Variants in IMMT observed in about 807,000 individuals in gnomAD.
IMMT encodes the protein inner membrane mitochondrial protein.
A neutral mutation model predicts 92.7 loss-of-function variants in IMMT; 40 were observed. The ratio of observed to expected loss-of-function variants is 0.43; its 90% CI spans 0.34 to 0.56. The LOEUF (loss-of-function observed/expected upper bound fraction) is 0.56, where lower values mean the gene tolerates loss of function less well. Ranked by LOEUF, IMMT falls within the 20% of genes least tolerant of loss-of-function variation. The pLI is 0.03. For missense variants in IMMT, 831 were observed against 912.1 expected (o/e 0.91, Z 1.14); for synonymous variants, 322 against 336.1 (o/e 0.96, Z 0.46).
At chr2:86,164,005 T>C (rs1343439462) in intron 7 of IMMT, among the ~76,000 whole-genome samples, 2 of 149,360 alleles carry the variant, frequency 1.3e-5, no homozygotes, top group Non-Finnish European at 3.0e-5. Context: ...GTATATCTTA[T>C]GATGCGAAAA....
At chr2:86,166,789 A>G in intron 6 of IMMT, 145 bp from the exon 7 acceptor site, 1 of 801,554 alleles carries the variant, frequency 1.2e-6, no homozygotes, top group Non-Finnish European at 1.9e-6. Context: ...AATTTAGGGA[A>G]TCAAAGTTTC....
intron 7 of IMMT, among the ~76,000 whole-genome samples, chr2:86,162,347 T>TG (rs1449001789): frequency 6.6e-6 from 1 of 151,284 alleles, no homozygotes; most frequent in African/African-American, 2.4e-5. Flanking sequence ...AGTTGTTTTT[T>TG]TTTTTTTTTA....
At chr2:86,148,190 C>T (rs1409912524) in intron 12 of IMMT, among the ~76,000 whole-genome samples, 3 of 152,218 alleles carry the variant, frequency 2.0e-5, no homozygotes, top group Admixed American at 1.3e-4. Flanking sequence ...AAAAAAGTAA[C>T]TATATACTTG....
chr2:86,171,422 T>C, intron 4 of IMMT, 77 bp from the exon 5 acceptor site: 1 of 1,338,946 alleles, frequency 7.5e-7, no homozygotes, highest in Non-Finnish European at 1.1e-6. Flanking sequence ...ACTACCACCA[T>C]CACCACCCAC....
At chr2:86,185,669 T>A (rs1672724061) in intron 1 of IMMT, among the ~76,000 whole-genome samples, 1 of 152,130 alleles carries the variant, frequency 6.6e-6, no homozygotes, top group Admixed American at 6.6e-5. Context: ...CCATTAAGAT[T>A]CACAGGAAAC....
At chr2:86,195,257 G>A (rs1406491337) in intron 1 of IMMT, 81 bp downstream of exon 1, 13 of 1,398,600 alleles carry the variant, frequency 9.3e-6, no homozygotes, top group South Asian at 8.5e-5. Flanking sequence ...TGGAGGCTAG[G>A]CAGCGACCAA....
chr2:86,186,061 A>G (rs1030902690), intron 1 of IMMT, among the ~76,000 whole-genome samples: 1 of 152,160 alleles, frequency 6.6e-6, no homozygotes, highest in African/African-American at 2.4e-5. Flanking sequence ...TCATACCACC[A>G]TATGCTGAAT....
intron 14 of IMMT, 117 bp downstream of exon 14, chr2:86,145,951 G>C (rs558404369): frequency 1.4e-6 from 1 of 730,276 alleles, no homozygotes; most frequent in African/African-American, 1.8e-5. Context: ...ATTAAGTAGA[G>C]TGATTAGTAT....
At chr2:86,177,887 A>T (rs1490318622) in intron 3 of IMMT, among the ~76,000 whole-genome samples, 1 of 152,146 alleles carries the variant, frequency 6.6e-6, no homozygotes, top group African/African-American at 2.4e-5. Context: ...AACCATGGTT[A>T]CCTCTACCCA....
At chr2:86,158,752 T>C (rs753787776) in intron 9 of IMMT, 31 bp from the exon 10 acceptor site, 135 of 1,557,100 alleles carry the variant, frequency 8.7e-5, no homozygotes, top group Non-Finnish European at 1.1e-4. Context: ...TGTGATTAAA[T>C]TGAACAAAAA....
intron 1 of IMMT, among the ~76,000 whole-genome samples, chr2:86,192,248 A>C (rs1252274523): frequency 2.6e-5 from 4 of 151,926 alleles, no homozygotes; most frequent in East Asian, 1.9e-4. Flanking sequence ...ACACACACAC[A>C]CCCTTATTGT....
intron 12 of IMMT, 42 bp downstream of exon 12, chr2:86,151,255 G>C (rs1558812772): frequency 6.9e-7 from 1 of 1,454,582 alleles, no homozygotes; most frequent in Middle Eastern, 2.3e-4. Flanking sequence ...AATCAAGTTA[G>C]AGTCACTTTA....
intron 1 of IMMT, among the ~76,000 whole-genome samples, chr2:86,190,515 A>C (rs966771539): frequency 6.6e-6 from 1 of 152,238 alleles, no homozygotes; most frequent in African/African-American, 2.4e-5. Context: ...TCCAAACTCA[A>C]TGACCACTTC....
In IMMT at chr2:86,145,464, T is replaced by C. The variant is rs191891012; in HGVS notation, c.1664-583A>G. On this transcript the variant is annotated intron_variant, in intron 14 of 14. Transcript: ENST00000410111. ...GAGTCGATATCACACCACTGCACTCTACCCTGGGCGACAGAGCAAGACTCT... is the reference window on the plus strand; with the variant it reads ...GAGTCGATATCACACCACTGCACTCCACCCTGGGCGACAGAGCAAGACTCT... Among the ~76,000 whole-genome samples the C allele has an allele frequency of 5.9e-4, 72 of 122,922 alleles. 1 individual carries two copies. The highest frequency in any genetic ancestry group is 4.1e-3 in the Admixed American group (38 of 9,256). The allele number at this position is 122,922 out of a possible 152,430, so 80.6% of individuals were successfully genotyped here. A position where few individuals can be genotyped will look rare whatever the true frequency, so the allele number is the denominator to read the frequency against.
chr2:86,166,780 AT>A, intron 6 of IMMT, 136 bp from the exon 7 acceptor site: 1 of 817,624 alleles, frequency 1.2e-6, no homozygotes. Context: ...TGAGACTCAA[AT>A]TTAGGGAATC....
chr2:86,148,894 T>C (rs7577481), intron 12 of IMMT, among the ~76,000 whole-genome samples: 9,784 of 152,288 alleles, frequency 0.064, 1,118 homozygotes, highest in African/African-American at 0.22. Context: ...GAAGTGCTAC[T>C]AGCCCTGTGT....
At chr2:86,149,568 C>T (rs558819462) in intron 12 of IMMT, among the ~76,000 whole-genome samples, 2 of 152,244 alleles carry the variant, frequency 1.3e-5, no homozygotes, top group South Asian at 4.1e-4. Context: ...GTAATCCCAG[C>T]ACTTTGGTGT....
rs1241048283 is a variant in IMMT at position 86,148,467 on chromosome 2, C to G, written c.1402-634G>C. 2.0e-5 allele frequency among the ~76,000 whole-genome samples: 3 copies of G among 152,062 alleles called. No individual in the cohort carries two copies. The East Asian group carries it at 5.8e-4, about 30-fold the overall frequency. On this transcript the variant is annotated intron_variant, in intron 12 of 14. Transcript: ENST00000410111. Reference sequence around the variant, plus strand: ...ACTAAAAATACAAAAAAAAAATTAGCCGGGTGTGGTGGCGGGTGCCTGTAG... The same window carrying G: ...ACTAAAAATACAAAAAAAAAATTAGGCGGGTGTGGTGGCGGGTGCCTGTAG...
chr2:86,158,764 T>C (rs1385155314), intron 9 of IMMT, 43 bp from the exon 10 acceptor site: 1 of 1,483,402 alleles, frequency 6.7e-7, no homozygotes, highest in South Asian at 1.2e-5. Context: ...GAACAAAAAA[T>C]ACCATAAACA....
Sources: allele counts gnomAD v4.1 joint callset (sites outside exome capture counted in the v4.1 genomes callset), GRCh38; gene constraint gnomAD v4.1.1; transcripts MANE v1.5; gene names NCBI Gene and HGNC (gene_info 2026-07-23, HGNC 2026-07-21).